The following P3H2 variants were observed in gnomAD, a reference collection of about 807,000 sequenced individuals.
P3H2 encodes prolyl 3-hydroxylase 2.
In P3H2, 80 loss-of-function variants were observed where a neutral mutation model predicts 87.0. The ratio of observed to expected loss-of-function variants is 0.92; its 90% CI spans 0.77 to 1.11. The LOEUF (loss-of-function observed/expected upper bound fraction) is 1.11, where lower values mean the gene tolerates loss of function less well. P3H2 is among the 50% of genes least tolerant of loss of function. The pLI is 0.00. For missense variants in P3H2, 1,001 were observed against 923.9 expected (o/e 1.08, Z -1.08); for synonymous variants, 367 against 359.3 (o/e 1.02, Z -0.24).
At chr3:190,087,558 A>T (rs965839858) in intron 1 of P3H2, among the ~76,000 whole-genome samples, 7 of 151,702 alleles carry the variant, frequency 4.6e-5, no homozygotes, top group Non-Finnish European at 8.8e-5. Flanking sequence ...AAAAAAAAAA[A>T]AAAAACCATC....
chr3:190,013,488 A>G (rs1337627692), intron 1 of P3H2, among the ~76,000 whole-genome samples: 1 of 152,224 alleles, frequency 6.6e-6, no homozygotes, highest in Non-Finnish European at 1.5e-5. Flanking sequence ...AAGGTGTAGA[A>G]TTCAGTCAGC....
intron 1 of P3H2, among the ~76,000 whole-genome samples, chr3:190,099,561 G>A (rs1711548871): frequency 6.6e-6 from 1 of 152,106 alleles, no homozygotes; most frequent in Non-Finnish European, 1.5e-5. Flanking sequence ...TCACAATATT[G>A]TGTAAATCAG....
In P3H2 at chr3:190,120,249, T is replaced by C; in HGVS notation, c.480+3A>G. 1 of 1,609,614 alleles carries C rather than the reference T, an allele frequency of 6.2e-7. No individual in the cohort carries two copies. The highest frequency in any genetic ancestry group is 8.5e-7 in the Non-Finnish European group (1 of 1,178,808). On this transcript the variant is annotated splice_donor_region_variant and intron_variant, in intron 1 of 14. Transcript: ENST00000319332. ...TTGCAGTGGAGGAGCGCTCTGTGGGTACCTTGATGTAGGCCCGCTGCAGGT... is the reference window on the plus strand; with the variant it reads ...TTGCAGTGGAGGAGCGCTCTGTGGGCACCTTGATGTAGGCCCGCTGCAGGT...
intron 3 of P3H2, 133 bp from the exon 4 acceptor site, chr3:189,989,171 C>T: frequency 9.1e-7 from 1 of 1,097,344 alleles, no homozygotes; most frequent in Non-Finnish European, 1.3e-6. Flanking sequence ...ATCCTCACTT[C>T]CGGACTGCAA....
intron 1 of P3H2, among the ~76,000 whole-genome samples, chr3:190,015,192 T>G (rs933570141): frequency 3.9e-5 from 6 of 152,008 alleles, no homozygotes; most frequent in Non-Finnish European, 7.4e-5. Context: ...TTAAAAATTA[T>G]TTGCTGACAC....
chr3:190,032,197 T>C (rs952420745), intron 1 of P3H2, among the ~76,000 whole-genome samples: 2 of 152,200 alleles, frequency 1.3e-5, no homozygotes, highest in African/African-American at 4.8e-5. Context: ...ATTCCAGAAA[T>C]GTTTATGGTA....
At chr3:190,115,870 G>C (rs142854007) in intron 1 of P3H2, among the ~76,000 whole-genome samples, 1 of 152,302 alleles carries the variant, frequency 6.6e-6, no homozygotes, top group East Asian at 1.9e-4. Context: ...AGATGGTTGT[G>C]AATCACCCAA....
intron 1 of P3H2, among the ~76,000 whole-genome samples, chr3:190,096,902 G>A (rs1397577600): frequency 6.6e-6 from 1 of 152,230 alleles, no homozygotes. Flanking sequence ...CATGAGAGAT[G>A]AGAGCCTTGA....
intron 8 of P3H2, among the ~76,000 whole-genome samples, chr3:189,976,959 A>C (rs1344608115): frequency 6.6e-6 from 1 of 152,228 alleles, no homozygotes; most frequent in Non-Finnish European, 1.5e-5. Context: ...GGTTAAATAA[A>C]AGATAAGAGG....
chr3:189,995,262 G>A (rs1028147323), intron 2 of P3H2, 28 bp downstream of exon 2: 2 of 1,612,582 alleles, frequency 1.2e-6, no homozygotes, highest in Non-Finnish European at 1.7e-6. Flanking sequence ...AGCTCCCTGT[G>A]GTGAGGGCAG....
At chr3:190,038,617 G>A (rs1725501266) in intron 1 of P3H2, among the ~76,000 whole-genome samples, 1 of 152,108 alleles carries the variant, frequency 6.6e-6, no homozygotes, top group African/African-American at 2.4e-5. Context: ...ATAGAAGCTG[G>A]CATTATAGCT....
In P3H2 at chr3:189,957,506, T is replaced by C. The variant is rs891407800; in HGVS notation, c.*406A>G. On this transcript the variant is annotated 3_prime_UTR_variant, in exon 15 of 15. Transcript: ENST00000319332. ...TTGGGGGAGGAGGTGAACTGGGCTTTGATAGATACATGAAATGATGAAAAA... is the reference window on the plus strand; with the variant it reads ...TTGGGGGAGGAGGTGAACTGGGCTTCGATAGATACATGAAATGATGAAAAA... 2 of 385,724 alleles carry C rather than the reference T, an allele frequency of 5.2e-6. No individual in the cohort carries two copies. The highest frequency in any genetic ancestry group is 4.2e-5 in the African/African-American group (2 of 47,860). The allele number at this position is 385,724 out of a possible 1,614,324, so 23.9% of individuals were successfully genotyped here. A position where few individuals can be genotyped will look rare whatever the true frequency, so the allele number is the denominator to read the frequency against.
intron 10 of P3H2, chr3:189,973,271 C>T: frequency 2.1e-6 from 1 of 475,384 alleles, no homozygotes; most frequent in East Asian, 3.6e-5. Context: ...GTTCTACCAT[C>T]CTCTCTAACA....
intron 1 of P3H2, among the ~76,000 whole-genome samples, chr3:190,015,681 C>A (rs1724729287): frequency 6.9e-6 from 1 of 144,186 alleles, no homozygotes; most frequent in African/African-American, 2.5e-5. Context: ...TATGATTTAT[C>A]TCAGCATCAT....
At chr3:190,117,252 T>C (rs184356474) in intron 1 of P3H2, among the ~76,000 whole-genome samples, 19 of 152,300 alleles carry the variant, frequency 1.2e-4, no homozygotes, top group African/African-American at 4.1e-4. Context: ...ATTGAACTCA[T>C]TGGGTCTCAG....
At chr3:190,020,732 G>A (rs896207385) in intron 1 of P3H2, among the ~76,000 whole-genome samples, 2 of 133,766 alleles carry the variant, frequency 1.5e-5, no homozygotes, top group African/African-American at 5.2e-5. Context: ...CTGGGCGGCT[G>A]CTACCCACAC....
intron 1 of P3H2, among the ~76,000 whole-genome samples, chr3:190,040,519 T>C (rs1227481724): frequency 3.9e-5 from 6 of 152,208 alleles, no homozygotes; most frequent in Non-Finnish European, 7.3e-5. Flanking sequence ...GCACCAGATA[T>C]ACGACTAAAA....
intron 4 of P3H2, 104 bp from the exon 5 acceptor site, chr3:189,987,773 A>G (rs1206487264): frequency 1.5e-6 from 2 of 1,292,820 alleles, no homozygotes; most frequent in Non-Finnish European, 2.2e-6. Context: ...TTAAACATGA[A>G]TAAGAGGGAA....
chr3:190,097,575 T>C (rs1333328362), intron 1 of P3H2, among the ~76,000 whole-genome samples: 1 of 151,684 alleles, frequency 6.6e-6, no homozygotes, highest in Non-Finnish European at 1.5e-5. Flanking sequence ...TCTTTCTGCC[T>C]CAGGTATCAT....
Sources: gnomAD v4.1 joint callset for allele counts (sites outside exome capture counted in the v4.1 genomes callset) on GRCh38, gnomAD v4.1.1 for gene constraint, MANE v1.5 for transcripts, NCBI Gene and HGNC (gene_info 2026-07-23, HGNC 2026-07-21) for gene names.